LINGO2: variants seen among roughly 807,000 people sequenced by gnomAD.
The protein encoded by LINGO2 is leucine-rich repeat and immunoglobulin-like domain-containing nogo receptor-interacting protein 2.
LINGO2 carries 14 observed loss-of-function variants against 30.6 expected under a neutral mutation model. The observed-to-expected ratio is 0.46, with a 90% confidence interval of 0.30 to 0.72. LINGO2 has a LOEUF of 0.72. Among genes scored for constraint, LINGO2 ranks in the 30% least tolerant of loss-of-function variants. LINGO2 has a pLI of 0.07. For missense variants in LINGO2, 729 were observed against 751.7 expected, an observed-to-expected ratio of 0.97 and a Z score of 0.35; for synonymous variants, 317 against 288.5, an observed-to-expected ratio of 1.10 and a Z score of -1.00.
intron 5 of LINGO2, among the ~76,000 whole-genome samples, chr9:27,975,386 G>A (rs1277296960): frequency 8.6e-5 from 13 of 151,908 alleles, no homozygotes; most frequent in Admixed American, 8.5e-4. Context: ...TTTCCAAAGG[G>A]TGGGGTAAAT....
intron 2 of LINGO2, among the ~76,000 whole-genome samples, chr9:28,437,530 G>T (rs914844616): frequency 6.9e-6 from 1 of 144,372 alleles, no homozygotes; most frequent in Non-Finnish European, 1.5e-5. Flanking sequence ...TATACACACA[G>T]ACACATATAC....
intron 4 of LINGO2, among the ~76,000 whole-genome samples, chr9:28,077,453 T>C (rs1272246801): frequency 1.3e-5 from 2 of 152,224 alleles, no homozygotes; most frequent in African/African-American, 4.8e-5. Flanking sequence ...ACACTTTATA[T>C]ACATTTGTCA....
intron 4 of LINGO2, among the ~76,000 whole-genome samples, chr9:28,205,788 A>G (rs1181725464): frequency 6.6e-6 from 1 of 152,098 alleles, no homozygotes; most frequent in Admixed American, 6.6e-5. Context: ...AACAAATCTT[A>G]TCTCCATTTC....
At chr9:28,294,985 A>G (rs1823871593) in intron 4 of LINGO2, among the ~76,000 whole-genome samples, 1 of 152,202 alleles carries the variant, frequency 6.6e-6, no homozygotes, top group African/African-American at 2.4e-5. Context: ...ATATGCCTGC[A>G]TTATGTGTAT....
chr9:29,101,624 G>T, the LINGO2 span, among the ~76,000 whole-genome samples: 7 of 152,092 alleles, frequency 4.6e-5, no homozygotes. Flanking sequence ...GAGTTCAACT[G>T]TTTTATTTTT....
At position 28,589,814 on chromosome 9, in the gene LINGO2, A is replaced by T. The variant is rs375509250; in HGVS notation, c.-365+80386T>A. Among the ~76,000 whole-genome samples the T allele has an allele frequency of 1.8e-4, 27 of 152,186 alleles. 1 individual carries two copies. The East Asian group carries it at 3.7e-3, about 21-fold the overall frequency. ...TGGAAAAAACTACTTTAAAGTTCAT[A>T]TGGAACCAAAAAAGAGCCCGCATTG... On this transcript the variant is annotated intron_variant, in intron 1 of 5. Coordinates refer to ENST00000379992, the Ensembl canonical transcript of LINGO2.
At chr9:28,507,609 T>G (rs1564251924) in intron 1 of LINGO2, among the ~76,000 whole-genome samples, 1 of 152,256 alleles carries the variant, frequency 6.6e-6, no homozygotes, top group East Asian at 1.9e-4. Flanking sequence ...GGACTATATA[T>G]AAGGTATGAC....
the LINGO2 span, among the ~76,000 whole-genome samples, chr9:29,007,990 A>T: frequency 6.6e-6 from 1 of 152,094 alleles, no homozygotes; most frequent in African/African-American, 2.4e-5. Context: ...GGTTTGTTAC[A>T]TATGTATACA....
chr9:28,915,068 G>T, the LINGO2 span, among the ~76,000 whole-genome samples: 1 of 152,098 alleles, frequency 6.6e-6, no homozygotes, highest in South Asian at 2.1e-4. Flanking sequence ...GGAGGCGGAG[G>T]TTGCAGTAAG....
At chr9:28,623,593 T>C (rs918946582) in intron 1 of LINGO2, among the ~76,000 whole-genome samples, 1 of 152,248 alleles carries the variant, frequency 6.6e-6, no homozygotes, top group Admixed American at 6.5e-5. Context: ...TTTTGGTTAG[T>C]ATAGCTCTGT....
At chr9:27,971,540 G>A (rs1037965354) in intron 5 of LINGO2, among the ~76,000 whole-genome samples, 4 of 151,932 alleles carry the variant, frequency 2.6e-5, no homozygotes, top group African/African-American at 9.7e-5. Flanking sequence ...GCATCACCAC[G>A]CCTGGCTAAT....
At chr9:28,072,505 C>G (rs1312919880) in intron 4 of LINGO2, among the ~76,000 whole-genome samples, 1 of 152,192 alleles carries the variant, frequency 6.6e-6, no homozygotes, top group African/African-American at 2.4e-5. Flanking sequence ...TTCAGCTAGA[C>G]TAGACCTGTC....
At chr9:28,186,324 C>T (rs886659163) in intron 4 of LINGO2, among the ~76,000 whole-genome samples, 11 of 152,038 alleles carry the variant, frequency 7.2e-5, no homozygotes, top group African/African-American at 2.7e-4. Context: ...AAAAGTAGAT[C>T]GATTGGCCCA....
At chr9:28,774,392 G>T in the LINGO2 span, among the ~76,000 whole-genome samples, 1 of 151,994 alleles carries the variant, frequency 6.6e-6, no homozygotes, top group African/African-American at 2.4e-5. Context: ...TTGCCAAAAC[G>T]TATCCAACAA....
chr9:28,135,130 T>C (rs1164230643), intron 4 of LINGO2, among the ~76,000 whole-genome samples: 1 of 152,006 alleles, frequency 6.6e-6, no homozygotes, highest in East Asian at 1.9e-4. Context: ...GTCATACCAA[T>C]GAATAAAAAA....
intron 5 of LINGO2, among the ~76,000 whole-genome samples, chr9:27,958,772 G>C (rs1435492893): frequency 6.6e-6 from 1 of 151,382 alleles, no homozygotes; most frequent in South Asian, 2.1e-4. Flanking sequence ...GTGGTTAAGG[G>C]GGGACTACTG....
the LINGO2 span, among the ~76,000 whole-genome samples, chr9:28,884,958 ATT>A: frequency 0.059 from 1,155 of 19,620 alleles, 68 homozygotes; most frequent in African/African-American, 0.16. Context: ...AATATATAAT[ATT>A]TTATATATAT....
the LINGO2 span, among the ~76,000 whole-genome samples, chr9:28,804,533 GCAAAAA>G: frequency 0.011 from 1,435 of 133,246 alleles, 23 homozygotes; most frequent in African/African-American, 0.034. Flanking sequence ...TGTGTTCACG[GCAAAAA>G]CAAAAACAAA....
chr9:28,383,504 G>A (rs887296074), intron 2 of LINGO2, among the ~76,000 whole-genome samples: 1 of 152,010 alleles, frequency 6.6e-6, no homozygotes, highest in African/African-American at 2.4e-5. Context: ...TTTCTAGAGA[G>A]TGGGCAGTCA....
Sources: allele counts gnomAD v4.1 joint callset (sites outside exome capture counted in the v4.1 genomes callset), GRCh38; gene constraint gnomAD v4.1.1; transcripts MANE v1.5; gene names NCBI Gene and HGNC (gene_info 2026-07-23, HGNC 2026-07-21).